The following TEKT3 variants were observed in gnomAD, a reference collection of about 807,000 sequenced individuals.
The protein encoded by TEKT3 is tektin-3.
In TEKT3, 49 loss-of-function variants were observed where a neutral mutation model predicts 49.8. The observed-to-expected ratio is 0.98, with a 90% CI of 0.78 to 1.25. The LOEUF (loss-of-function observed/expected upper bound fraction) is 1.25. Ranked by LOEUF, TEKT3 falls within the 50% of genes most tolerant of loss-of-function variation. The probability of loss-of-function intolerance (pLI) is 0.00; values close to 1 mark genes in which losing one functional copy is unlikely to be tolerated. For missense variants in TEKT3, 595 were observed against 629.5 expected (o/e 0.95, Z 0.59); for synonymous variants, 225 against 237.2 (o/e 0.95, Z 0.47).
chr17:15,307,985 G>C (rs1005412404), intron 8 of TEKT3, among the ~76,000 whole-genome samples: 1 of 152,174 alleles, frequency 6.6e-6, no homozygotes, highest in Non-Finnish European at 1.5e-5. Flanking sequence ...TTCATGTAGT[G>C]TTTAGTAGAT....
At position 15,331,039 on chromosome 17, in the gene TEKT3, G is replaced by A. The variant is rs201038012; in HGVS notation, c.547C>T (p.Arg183Trp). Reference protein sequence around the residue: ...ALTDVKKRLERALMETEAPLQ... With the variant: ...ALTDVKKRLEWALMETEAPLQ... ...GGGGCTTCAGTCTCCATCAAAGCCC[G>A]CTCCAGTCTTTTCTTCACATCAGTA... is the stretch of plus-strand genomic sequence containing the variant. Residue 183 changes from arginine (R) to tryptophan (W), a missense_variant, in exon 3 of 9, where the codon CGG becomes TGG. Physicochemically the swap from Arg to Trp is moderately radical, Grantham distance 101. Transcript: ENST00000395930. The A allele has an allele frequency of 8.2e-5, 132 of 1,613,198 alleles. No individual in the cohort carries two copies. The highest frequency in any genetic ancestry group is 1.1e-4 in the African/African-American group (8 of 75,006).
chr17:15,327,710 C>A (rs372685398), intron 4 of TEKT3: 3 of 345,574 alleles, frequency 8.7e-6, no homozygotes, highest in South Asian at 5.4e-5. Context: ...GAAAAAAAAG[C>A]ATGATTAATA....
rs573870800 is a variant in TEKT3, at chr17:15,331,720, G to A, written c.-29-106C>T. On this transcript the variant is annotated intron_variant, in intron 2 of 8. Coordinates refer to ENST00000395930, the MANE Select transcript of TEKT3 (RefSeq NM_031898.3). Reference sequence around the variant, plus strand: ...ACTTAGTATCAGTTGCAGAGGCCCCGAACACATTAGATGCTTGTTCTCATT... The same window carrying A: ...ACTTAGTATCAGTTGCAGAGGCCCCAAACACATTAGATGCTTGTTCTCATT... 241 of 761,692 alleles carry A rather than the reference G, an allele frequency of 3.2e-4. 3 individuals carry two copies. The African/African-American group carries it at 3.7e-3, about 12-fold the overall frequency. The allele number at this position is 761,692 out of a possible 1,614,324, so 47.2% of individuals were successfully genotyped here.
chr17:15,331,876 G>C (rs987235970), intron 2 of TEKT3, among the ~76,000 whole-genome samples: 1 of 152,132 alleles, frequency 6.6e-6, no homozygotes, highest in African/African-American at 2.4e-5. Flanking sequence ...AATTATGAGA[G>C]TAATATTGTC....
intron 8 of TEKT3, among the ~76,000 whole-genome samples, chr17:15,305,816 AC>A (rs1271236055): frequency 6.6e-6 from 1 of 152,050 alleles, no homozygotes; most frequent in Non-Finnish European, 1.5e-5. Context: ...GAGATATAGA[AC>A]GTAGGCAGTT....
intron 7 of TEKT3, among the ~76,000 whole-genome samples, chr17:15,311,841 T>G (rs1009303321): frequency 1.3e-5 from 2 of 152,198 alleles, no homozygotes; most frequent in Non-Finnish European, 2.9e-5. Context: ...TCAGAAACAC[T>G]TTGAACTACC....
intron 8 of TEKT3, among the ~76,000 whole-genome samples, chr17:15,308,248 A>G (rs1380560471): frequency 6.6e-6 from 1 of 152,196 alleles, no homozygotes; most frequent in African/African-American, 2.4e-5. Flanking sequence ...GGAGTTCTGG[A>G]AACTCCGAAG....
intron 4 of TEKT3, among the ~76,000 whole-genome samples, chr17:15,322,279 C>T (rs765442655): frequency 6.6e-6 from 1 of 152,184 alleles, no homozygotes. Flanking sequence ...TCAGACAGCC[C>T]TGGTTCACAT....
At position 15,317,779 on chromosome 17, in the gene TEKT3, T is replaced by C. The variant is rs576326070; in HGVS notation, c.734+1298A>G. Among the ~76,000 whole-genome samples the C allele has an allele frequency of 2.1e-3, 313 of 152,178 alleles. 1 individual carries two copies. The highest frequency in any genetic ancestry group is 6.8e-3 in the Middle Eastern group (2 of 294). On this transcript the variant is annotated intron_variant, in intron 5 of 8. Transcript: ENST00000395930. ...GCTGTGATCATTGCCTGAGACCTTC[T>C]TTATTATTATTCTTCCCCCTCCTAA...
At chr17:15,319,964 T>A (rs1208772242) in intron 4 of TEKT3, among the ~76,000 whole-genome samples, 2 of 152,250 alleles carry the variant, frequency 1.3e-5, no homozygotes, top group African/African-American at 4.8e-5. Context: ...GAACATTTTC[T>A]CATGACATTA....
At chr17:15,316,442 G>A (rs892841258) in intron 5 of TEKT3, among the ~76,000 whole-genome samples, 1 of 152,128 alleles carries the variant, frequency 6.6e-6, no homozygotes, top group African/African-American at 2.4e-5. Context: ...TGAGAGTGTG[G>A]AATGATGAAC....
rs146110907 is a variant in TEKT3 at position 15,303,876 on chromosome 17, G to A, written c.*60C>T. ...TATATTAGCATTCGGTTCAAATGCT[G>A]AGACAGTGCTCTGGCTCAGCCTTAA... is the stretch of plus-strand genomic sequence containing the variant. On this transcript the variant is annotated 3_prime_UTR_variant, in exon 9 of 9. Transcript: ENST00000395930. 2 of 1,483,120 alleles carry A rather than the reference G, an allele frequency of 1.3e-6. No homozygotes were observed. The highest frequency in any genetic ancestry group is 1.9e-6 in the Non-Finnish European group (2 of 1,063,462). The allele number at this position is 1,483,120 out of a possible 1,614,324, so 91.9% of individuals were successfully genotyped here. A position where few individuals can be genotyped will look rare whatever the true frequency, so the allele number is the denominator to read the frequency against.
chr17:15,318,089 AC>A (rs1911091568), intron 5 of TEKT3, among the ~76,000 whole-genome samples: 1 of 147,252 alleles, frequency 6.8e-6, no homozygotes, highest in African/African-American at 2.5e-5. Flanking sequence ...TCCCAGGTTC[AC>A]GCCATTCTCT....
At chr17:15,305,569 G>A (rs530110608) in intron 8 of TEKT3, among the ~76,000 whole-genome samples, 1 of 152,206 alleles carries the variant, frequency 6.6e-6, no homozygotes, top group South Asian at 2.1e-4. Context: ...GCCGCAGATG[G>A]CTGGTAATGG....
chr17:15,336,555 T>C (rs577577319), intron 2 of TEKT3, among the ~76,000 whole-genome samples: 3 of 149,574 alleles, frequency 2.0e-5, no homozygotes, highest in African/African-American at 7.3e-5. Context: ...GCATGTGTGC[T>C]AATAAGAAAA....
At position 15,327,830 on chromosome 17, in the gene TEKT3, T is replaced by C. The variant is rs1216216239; in HGVS notation, c.663+162A>G. The stretch of plus-strand genomic sequence containing the variant: ...TTTTCATATTCTCATTGAATATATG[T>C]TATAACCAAGAAAAACATGTCTTTG... On this transcript the variant is annotated intron_variant, in intron 4 of 8. Transcript: ENST00000395930. The C allele has an allele frequency of 7.1e-6, 4 of 565,408 alleles. No individual in the cohort carries two copies. The African/African-American group carries it at 7.4e-5, about 10-fold the overall frequency. 35.0% of individuals were successfully genotyped at this position (565,408 alleles called of 1,614,324 possible). A position where few individuals can be genotyped will look rare whatever the true frequency, so the allele number is the denominator to read the frequency against.
At chr17:15,328,512 A>G (rs1290591290) in intron 3 of TEKT3, among the ~76,000 whole-genome samples, 1 of 152,196 alleles carries the variant, frequency 6.6e-6, no homozygotes, top group Non-Finnish European at 1.5e-5. Flanking sequence ...TGTGTTGCCA[A>G]AAGTCCCAGT....
At chr17:15,310,997 G>C (rs894547747) in intron 7 of TEKT3, 1 of 152,102 alleles carries the variant, frequency 6.6e-6, no homozygotes, top group Non-Finnish European at 1.5e-5. Context: ...GGCCCCACCT[G>C]GAACGGTCAC....
intron 5 of TEKT3, among the ~76,000 whole-genome samples, chr17:15,314,484 G>T (rs576742706): frequency 6.6e-6 from 1 of 152,174 alleles, no homozygotes; most frequent in African/African-American, 2.4e-5. Flanking sequence ...GGTAGAGCAG[G>T]TGAAGATAAA....
Sources: allele counts gnomAD v4.1 joint callset (sites outside exome capture counted in the v4.1 genomes callset), GRCh38; gene constraint gnomAD v4.1.1; transcripts MANE v1.5; gene names NCBI Gene and HGNC (gene_info 2026-07-23, HGNC 2026-07-21).